The following SRGAP3 variants were observed in gnomAD, a reference collection of about 807,000 sequenced individuals.
The protein encoded by SRGAP3 is SLIT-ROBO Rho GTPase-activating protein 3.
Under a neutral mutation model 121.1 loss-of-function variants are expected in SRGAP3, and 39 were observed. The observed-to-expected ratio is 0.32, with a 90% CI of 0.25 to 0.42. The LOEUF is 0.42. Ranked by LOEUF, SRGAP3 falls within the 10% of genes least tolerant of loss-of-function variation. The pLI is 1.00. For synonymous variants in SRGAP3, 601 were observed against 570.0 expected, an observed-to-expected ratio of 1.05 and a Z score of -0.77; for missense variants, 1,213 against 1,470.6, an observed-to-expected ratio of 0.82 and a Z score of 2.86.
chr3:9,060,211 A>T lies in SRGAP3; in HGVS notation c.801+20T>A, dbSNP rs764521141. 21 of 1,613,676 alleles carry T rather than the reference A, an allele frequency of 1.3e-5. No individual in the cohort carries two copies. The highest frequency in any genetic ancestry group is 1.8e-5 in the Non-Finnish European group (21 of 1,179,814). ...CCTGGTGTGGGCCCTGCTCAGTCCC[A>T]GACTCCCCAGGGAGCTCACATCGAT... is the stretch of plus-strand genomic sequence containing the variant. On this transcript the variant is annotated intron_variant, in intron 6 of 21. Transcript: ENST00000383836.
At chr3:9,128,149 T>C (rs1175668556) in intron 1 of SRGAP3, among the ~76,000 whole-genome samples, 1 of 152,220 alleles carries the variant, frequency 6.6e-6, no homozygotes, top group Non-Finnish European at 1.5e-5. Flanking sequence ...AAGGTGGCCC[T>C]TGTACACCTT....
chr3:9,180,422 CTCT>C (rs1203143062), intron 1 of SRGAP3, among the ~76,000 whole-genome samples: 1 of 152,190 alleles, frequency 6.6e-6, no homozygotes, highest in African/African-American at 2.4e-5. Flanking sequence ...CCCTTACCCT[CTCT>C]TGTCCCACCA....
At chr3:9,020,186 G>A (rs1425155242) in intron 14 of SRGAP3, among the ~76,000 whole-genome samples, 1 of 152,184 alleles carries the variant, frequency 6.6e-6, no homozygotes, top group East Asian at 1.9e-4. Context: ...ATCCCTGAGA[G>A]ATACACTTTC....
At chr3:9,157,725 G>C (rs1192802774) in intron 1 of SRGAP3, among the ~76,000 whole-genome samples, 5 of 152,182 alleles carry the variant, frequency 3.3e-5, no homozygotes, top group African/African-American at 2.4e-5. Flanking sequence ...AGGAATTAAA[G>C]AGAATCCTAA....
chr3:9,332,388 G>A (rs1955623388), intron 1 of SRGAP3, among the ~76,000 whole-genome samples: 4 of 152,164 alleles, frequency 2.6e-5, no homozygotes, highest in Admixed American at 2.6e-4. Context: ...CCAAAGTGCT[G>A]GGGTTACAGG....
At chr3:9,234,919 C>T (rs1953352613) in intron 1 of SRGAP3, among the ~76,000 whole-genome samples, 1 of 152,190 alleles carries the variant, frequency 6.6e-6, no homozygotes, top group African/African-American at 2.4e-5. Context: ...AAGACAGAAA[C>T]TGCTGCCTAG....
intron 1 of SRGAP3, among the ~76,000 whole-genome samples, chr3:9,350,451 C>A (rs1313597785): frequency 6.6e-6 from 1 of 152,200 alleles, no homozygotes; most frequent in African/African-American, 2.4e-5. Flanking sequence ...AGTAAAGCAT[C>A]ATCTTCAGGG....
chr3:9,212,715 A>C (rs1952487904), intron 1 of SRGAP3, among the ~76,000 whole-genome samples: 1 of 152,136 alleles, frequency 6.6e-6, no homozygotes, highest in African/African-American at 2.4e-5. Flanking sequence ...CTCCGTCTCA[A>C]AAAAAGAAAG....
intron 1 of SRGAP3, among the ~76,000 whole-genome samples, chr3:9,145,833 G>A (rs1405656530): frequency 6.6e-6 from 1 of 152,190 alleles, no homozygotes; most frequent in East Asian, 1.9e-4. Context: ...TTCACCAGGT[G>A]AGGAGAGAGA....
At chr3:9,284,442 T>C (rs1954732270) in intron 3 of SRGAP3, among the ~76,000 whole-genome samples, 1 of 152,234 alleles carries the variant, frequency 6.6e-6, no homozygotes, top group African/African-American at 2.4e-5. Context: ...CCTTGCTGTC[T>C]AAGGTGCCAG....
intron 3 of SRGAP3, among the ~76,000 whole-genome samples, chr3:9,269,060 G>A (rs1306933681): frequency 4.6e-5 from 7 of 152,138 alleles, no homozygotes; most frequent in Non-Finnish European, 8.8e-5. Flanking sequence ...GCCGGAACAC[G>A]CCCACTGTGT....
chr3:9,025,363 GA>G (rs754562612), intron 13 of SRGAP3, 25 bp from the exon 14 acceptor site: 1 of 1,612,682 alleles, frequency 6.2e-7, no homozygotes. Flanking sequence ...TACAGAAAAA[GA>G]AATAGTAAAT....
chr3:9,346,770 T>C (rs1575023857), intron 1 of SRGAP3, among the ~76,000 whole-genome samples: 1 of 109,386 alleles, frequency 9.1e-6, no homozygotes, highest in African/African-American at 3.2e-5. Context: ...TTTTTTTTTT[T>C]TGAGACAAAG....
rs78885523 is a variant in SRGAP3, at chr3:9,135,346, C to G, written c.68-10429G>C. 2.2e-4 allele frequency among the ~76,000 whole-genome samples: 33 copies of G among 152,342 alleles called. 1 individual carries two copies. In the East Asian group the frequency reaches 6.4e-3, roughly 29 times the overall value. On this transcript the variant is annotated intron_variant, in intron 1 of 21. Coordinates refer to ENST00000383836, the MANE Select transcript of SRGAP3 (RefSeq NM_014850.4). ...TATGTTTTATTACTCCGAATTTGCG[C>G]ACGACCTCTCCAACAAGAGCAGTGT...
chr3:9,194,229 G>A (rs1325841942), intron 1 of SRGAP3: 1 of 152,162 alleles, frequency 6.6e-6, no homozygotes, highest in Non-Finnish European at 1.5e-5. Flanking sequence ...AGGGTAATAT[G>A]GAAAATAGTT....
At chr3:9,321,981 T>A (rs978095078) in intron 3 of SRGAP3, among the ~76,000 whole-genome samples, 13 of 150,760 alleles carry the variant, frequency 8.6e-5, no homozygotes, top group Non-Finnish European at 1.5e-4. Flanking sequence ...TAAAAAATAA[T>A]AATAATAATA....
intron 18 of SRGAP3, among the ~76,000 whole-genome samples, chr3:9,009,323 C>T (rs1036744150): frequency 6.6e-6 from 1 of 152,144 alleles, no homozygotes; most frequent in Non-Finnish European, 1.5e-5. Context: ...AAGAGAACTG[C>T]TAAGCCATGA....
chr3:9,312,555 G>A (rs549697157), intron 3 of SRGAP3, among the ~76,000 whole-genome samples: 21 of 152,356 alleles, frequency 1.4e-4, no homozygotes, highest in Non-Finnish European at 2.8e-4. Flanking sequence ...AGCTCAAAGA[G>A]CCAGACATTG....
In SRGAP3 at chr3:9,080,075, C is replaced by T. The variant is rs781470864; in HGVS notation, c.436G>A (p.Gly146Ser). ...AGGAGCTCCTCGTGCATCTGCAGGC[C>T]AATCTCCTTGCTCTGGAATGTGGAA... Reference protein sequence around the residue: ...IRLFKKSKEIGLQMHEELLKV... With the variant: ...IRLFKKSKEISLQMHEELLKV... The change falls in exon 4 of 22, where the codon GGC becomes AGC. Residue 146 changes from glycine to serine, a missense_variant. This residue lies in a region of SRGAP3 where 793 missense variants were observed against 1,032.9 expected (regional missense o/e 0.77). Transcript: ENST00000383836. 1.9e-6 allele frequency: 3 copies of T among 1,614,060 alleles called. No individual in the cohort carries two copies. In the Admixed American group the frequency reaches 5.0e-5, roughly 27 times the overall value.
Sources: gnomAD v4.1 joint callset for allele counts (sites outside exome capture counted in the v4.1 genomes callset) on GRCh38, gnomAD v4.1.1 for gene constraint, gnomAD v4.1.1 regional missense constraint, MANE v1.5 for transcripts, NCBI Gene and HGNC (gene_info 2026-07-23, HGNC 2026-07-21) for gene names.